Variants in HOPX observed in about 807,000 individuals in gnomAD.
HOPX encodes homeodomain-only protein.
In HOPX, 5 loss-of-function variants were observed where a neutral mutation model predicts 11.8. The observed-to-expected ratio is 0.43, with a 90% CI of 0.22 to 0.89. The LOEUF (loss-of-function observed/expected upper bound fraction) is 0.89. HOPX is among the 40% of genes least tolerant of loss of function. The pLI is 0.28. For missense variants in HOPX, 119 were observed against 120.0 expected (o/e 0.99, Z 0.04); for synonymous variants, 49 against 49.7 (o/e 0.99, Z 0.06).
chr4:56,659,797 C>A (rs1718000607), intron 1 of HOPX, among the ~76,000 whole-genome samples: 1 of 152,154 alleles, frequency 6.6e-6, no homozygotes, highest in African/African-American at 2.4e-5. Flanking sequence ...ATGCCGTATA[C>A]CTGCTCTAAT....
chr4:56,648,664 A>G lies in HOPX; in HGVS notation c.*56T>C, dbSNP rs1716876690. 1 of 1,303,476 alleles carries G rather than the reference A, an allele frequency of 7.7e-7. No homozygotes were observed. The highest frequency in any genetic ancestry group is 1.8e-5 in the Admixed American group (1 of 55,054). The allele number at this position is 1,303,476 out of a possible 1,614,324, so 80.7% of individuals were successfully genotyped here. A position where few individuals can be genotyped will look rare whatever the true frequency, so the allele number is the denominator to read the frequency against. On this transcript the variant is annotated 3_prime_UTR_variant, in exon 4 of 4. Coordinates refer to ENST00000420433, the MANE Select transcript of HOPX (RefSeq NM_032495.6). ...AAACCACAACAGCTTGGTTAAGCGG[A>G]GGAGAGAAACAGAGATGGCCTTCAT... is the stretch of plus-strand genomic sequence containing the variant.
At chr4:56,648,875 C>A in intron 3 of HOPX, 78 bp from the exon 4 acceptor site, 1 of 1,094,922 alleles carries the variant, frequency 9.1e-7, no homozygotes, top group South Asian at 1.3e-5. Context: ...AAAAGGTAGC[C>A]TCTGTGGCAC....
intron 3 of HOPX, chr4:56,649,354 G>A (rs1716933272): frequency 6.6e-6 from 1 of 152,306 alleles, no homozygotes; most frequent in Admixed American, 6.5e-5. Flanking sequence ...TCTCCTTAAT[G>A]CCCCAGATAG....
chr4:56,660,904 G>GA (rs368203713), intron 1 of HOPX, among the ~76,000 whole-genome samples: 18 of 151,512 alleles, frequency 1.2e-4, no homozygotes, highest in African/African-American at 4.4e-4. Context: ...CCTGCCCCCA[G>GA]AAAAAAAACA....
chr4:56,652,558 A>G (rs1380739639), intron 3 of HOPX, among the ~76,000 whole-genome samples: 1 of 151,966 alleles, frequency 6.6e-6, no homozygotes, highest in Non-Finnish European at 1.5e-5. Flanking sequence ...TTGTAATCCC[A>G]GCACTTTGGG....
At chr4:56,679,800 G>A (rs971830044) in intron 1 of HOPX, 1 of 152,120 alleles carries the variant, frequency 6.6e-6, no homozygotes, top group Non-Finnish European at 1.5e-5. Flanking sequence ...CTATAGATTA[G>A]TTTGCATTTT....
At chr4:56,656,269 C>G in intron 2 of HOPX, 2 of 1,168,964 alleles carry the variant, frequency 1.7e-6, no homozygotes, top group Non-Finnish European at 1.1e-6. Flanking sequence ...CCCGCGCCCC[C>G]CGGGACCCCT....
intron 1 of HOPX, among the ~76,000 whole-genome samples, chr4:56,673,609 C>T (rs1027992573): frequency 7.9e-5 from 12 of 152,192 alleles, no homozygotes; most frequent in South Asian, 2.1e-4. Flanking sequence ...TTGACCTCCA[C>T]GACATCCTTC....
At chr4:56,660,957 T>G (rs1482614027) in intron 1 of HOPX, among the ~76,000 whole-genome samples, 2 of 152,216 alleles carry the variant, frequency 1.3e-5, no homozygotes, top group African/African-American at 2.4e-5. Context: ...CTTTTCATTT[T>G]ATTTCAATTT....
At chr4:56,681,566 C>A (rs1719326317), upstream of HOPX, 1 of 1,000,136 alleles carries the variant, frequency 1.0e-6, no homozygotes, top group Non-Finnish European at 1.2e-6. Flanking sequence ...AAGCAAGCTT[C>A]TTCACCAAGA....
chr4:56,673,549 A>G (rs1296717126), intron 1 of HOPX, among the ~76,000 whole-genome samples: 2 of 152,146 alleles, frequency 1.3e-5, no homozygotes, highest in African/African-American at 2.4e-5. Flanking sequence ...AGCCCCACCA[A>G]TCCTTGGTCT....
intron 3 of HOPX, among the ~76,000 whole-genome samples, chr4:56,653,052 T>C (rs771275379): frequency 6.6e-6 from 1 of 152,142 alleles, no homozygotes; most frequent in Non-Finnish European, 1.5e-5. Context: ...CTTACTTATT[T>C]TGAGACAGGT....
intron 3 of HOPX, chr4:56,651,256 T>A (rs1031463545): frequency 6.5e-6 from 1 of 153,362 alleles, no homozygotes; most frequent in Non-Finnish European, 1.5e-5. Context: ...ACCCAAATGC[T>A]TAACAAACTG....
chr4:56,679,359 C>T (rs1281051297), intron 1 of HOPX: 1 of 152,200 alleles, frequency 6.6e-6, no homozygotes, highest in Non-Finnish European at 1.5e-5. Context: ...GAAATGGTCA[C>T]AGTCACAATA....
intron 3 of HOPX, among the ~76,000 whole-genome samples, chr4:56,653,240 A>G (rs1717378620): frequency 6.6e-6 from 1 of 151,796 alleles, no homozygotes; most frequent in South Asian, 2.1e-4. Context: ...TTTTGTAGAG[A>G]TGGGCAGCGT....
intron 1 of HOPX, chr4:56,663,063 T>A (rs1448771488): frequency 6.6e-6 from 1 of 152,206 alleles, no homozygotes; most frequent in Admixed American, 6.5e-5. Flanking sequence ...TAATGGGATC[T>A]CTCCTTTCAA....
chr4:56,670,476 G>GA (rs1436873369), intron 1 of HOPX, among the ~76,000 whole-genome samples: 1 of 152,152 alleles, frequency 6.6e-6, no homozygotes, highest in Non-Finnish European at 1.5e-5. Flanking sequence ...TTGCAGAGAG[G>GA]AAAAATGGCT....
At chr4:56,667,432 GTTTT>G (rs375052620) in intron 1 of HOPX, among the ~76,000 whole-genome samples, 33 of 150,728 alleles carry the variant, frequency 2.2e-4, no homozygotes, top group Non-Finnish European at 1.9e-4. Context: ...AGGACAAACT[GTTTT>G]TTTTTCTCTG....
chr4:56,650,637 G>A (rs1717070124), intron 3 of HOPX: 1 of 1,547,798 alleles, frequency 6.5e-7, no homozygotes, highest in African/African-American at 1.4e-5. Context: ...GTACAGCAGA[G>A]TTTACACACT....
Sources: gnomAD v4.1 joint callset for allele counts (sites outside exome capture counted in the v4.1 genomes callset) on GRCh38, gnomAD v4.1.1 for gene constraint, MANE v1.5 for transcripts, NCBI Gene and HGNC (gene_info 2026-07-23, HGNC 2026-07-21) for gene names.